The following TRAPPC9 variants were observed in gnomAD, a reference collection of about 807,000 sequenced individuals.
The protein encoded by TRAPPC9 is trafficking protein particle complex subunit 9.
TRAPPC9 carries 83 observed loss-of-function variants against 124.0 expected under a neutral mutation model. The observed-to-expected ratio is 0.67, with a 90% confidence interval of 0.56 to 0.80. The LOEUF (loss-of-function observed/expected upper bound fraction) is 0.80, where lower values mean the gene tolerates loss of function less well. TRAPPC9 is among the 30% of genes least tolerant of loss of function. The pLI is 0.00. For synonymous variants in TRAPPC9, 638 were observed against 617.5 expected, an observed-to-expected ratio of 1.03 and a Z score of -0.49; for missense variants, 1,302 against 1,508.3, an observed-to-expected ratio of 0.86 and a Z score of 2.27.
intron 21 of TRAPPC9, among the ~76,000 whole-genome samples, chr8:139,782,136 T>C (rs186074653): frequency 6.6e-6 from 1 of 152,288 alleles, no homozygotes; most frequent in Admixed American, 6.5e-5. Flanking sequence ...TCCCAGTACT[T>C]TGGGAGGCCG....
intron 21 of TRAPPC9, among the ~76,000 whole-genome samples, chr8:139,859,574 C>T (rs536302410): frequency 6.6e-6 from 1 of 152,248 alleles, no homozygotes; most frequent in Non-Finnish European, 1.5e-5. Context: ...CCAGTGGCTG[C>T]TCTGCTCCCC....
chr8:140,079,908 CG>C (rs1233091282), intron 17 of TRAPPC9, among the ~76,000 whole-genome samples: 3 of 151,598 alleles, frequency 2.0e-5, no homozygotes, highest in Non-Finnish European at 4.4e-5. Flanking sequence ...CCAGCCTGGG[CG>C]AGAGAGCACA....
intron 17 of TRAPPC9, among the ~76,000 whole-genome samples, chr8:140,180,768 C>T (rs780835871): frequency 6.6e-6 from 1 of 150,534 alleles, no homozygotes; most frequent in Non-Finnish European, 1.5e-5. Flanking sequence ...CAATTATCAT[C>T]AGTTTTGTTC....
chr8:139,906,146 C>G (rs1325152706), intron 20 of TRAPPC9, among the ~76,000 whole-genome samples: 1 of 152,152 alleles, frequency 6.6e-6, no homozygotes, highest in Non-Finnish European at 1.5e-5. Flanking sequence ...GGGTACCTAA[C>G]CCATTAGCTC....
intron 18 of TRAPPC9, among the ~76,000 whole-genome samples, chr8:139,993,588 T>C (rs1241718793): frequency 6.6e-6 from 1 of 152,198 alleles, no homozygotes; most frequent in Non-Finnish European, 1.5e-5. Flanking sequence ...TCAAAAGTGT[T>C]CAATGCAACA....
chr8:140,220,126 A>C (rs1251836552), intron 17 of TRAPPC9, among the ~76,000 whole-genome samples: 1 of 152,234 alleles, frequency 6.6e-6, no homozygotes, highest in Admixed American at 6.5e-5. Flanking sequence ...AAGGTAAGTC[A>C]AGGCAAGTTG....
At chr8:140,339,604 C>T (rs971340899) in intron 9 of TRAPPC9, among the ~76,000 whole-genome samples, 6 of 152,276 alleles carry the variant, frequency 3.9e-5, no homozygotes, top group Admixed American at 6.5e-5. Flanking sequence ...AACAAACAAA[C>T]GAGGCCGAAC....
intron 21 of TRAPPC9, among the ~76,000 whole-genome samples, chr8:139,871,778 G>A (rs151162038): frequency 1.3e-5 from 2 of 152,332 alleles, no homozygotes; most frequent in African/African-American, 2.4e-5. Context: ...TGAATATGTG[G>A]GTGAATGGAC....
At chr8:140,320,025 C>T (rs2066552040) in intron 9 of TRAPPC9, among the ~76,000 whole-genome samples, 1 of 152,048 alleles carries the variant, frequency 6.6e-6, no homozygotes, top group African/African-American at 2.4e-5. Context: ...GAAAGAAGTA[C>T]ATCTTTTTTT....
chr8:140,075,520 T>A (rs1306330552), intron 17 of TRAPPC9, among the ~76,000 whole-genome samples: 1 of 152,184 alleles, frequency 6.6e-6, no homozygotes, highest in African/African-American at 2.4e-5. Flanking sequence ...TCCTCCTCCA[T>A]TAGGAGGGTT....
intron 21 of TRAPPC9, among the ~76,000 whole-genome samples, chr8:139,756,169 G>T (rs878923662): frequency 8.7e-6 from 1 of 115,524 alleles, no homozygotes; most frequent in African/African-American, 4.0e-5. Context: ...TTGGGGATGA[G>T]GACAGCAGGT....
At chr8:140,297,388 CAT>C (rs1369295749) in intron 11 of TRAPPC9, among the ~76,000 whole-genome samples, 1 of 143,818 alleles carries the variant, frequency 7.0e-6, no homozygotes, top group Admixed American at 6.8e-5. Context: ...TATACACATG[CAT>C]ACACACATAC....
chr8:139,894,827 C>CAG (rs1208426642), intron 20 of TRAPPC9, among the ~76,000 whole-genome samples: 1 of 152,168 alleles, frequency 6.6e-6, no homozygotes, highest in East Asian at 1.9e-4. Context: ...AAGTCACGCT[C>CAG]AGAGCAGTGA....
At chr8:140,246,661 C>T (rs2063994322) in intron 16 of TRAPPC9, among the ~76,000 whole-genome samples, 1 of 152,174 alleles carries the variant, frequency 6.6e-6, no homozygotes, top group South Asian at 2.1e-4. Flanking sequence ...ACTATCTCTA[C>T]CAAAACAATT....
At chr8:140,027,775 A>G (rs1246888185) in intron 17 of TRAPPC9, among the ~76,000 whole-genome samples, 1 of 152,200 alleles carries the variant, frequency 6.6e-6, no homozygotes, top group Non-Finnish European at 1.5e-5. Context: ...GAATCATGGC[A>G]GAAGGGGAAG....
At chr8:140,013,865 A>T (rs1839289752) in intron 18 of TRAPPC9, among the ~76,000 whole-genome samples, 1 of 152,218 alleles carries the variant, frequency 6.6e-6, no homozygotes. Context: ...TGAAGGAAAA[A>T]TGATGCTGAG....
intron 17 of TRAPPC9, among the ~76,000 whole-genome samples, chr8:140,052,259 A>T (rs1281490463): frequency 6.6e-6 from 1 of 152,132 alleles, no homozygotes; most frequent in Non-Finnish European, 1.5e-5. Flanking sequence ...CAGAAACTGC[A>T]GTCCTTTCTC....
intron 20 of TRAPPC9, among the ~76,000 whole-genome samples, chr8:139,894,243 G>A (rs576508445): frequency 6.6e-5 from 10 of 152,314 alleles, no homozygotes; most frequent in African/African-American, 1.4e-4. Context: ...GTCGAGTCCC[G>A]GCACCAACAA....
chr8:140,285,750 A>C (rs1242888843), intron 13 of TRAPPC9, among the ~76,000 whole-genome samples: 5 of 150,610 alleles, frequency 3.3e-5, no homozygotes, highest in Non-Finnish European at 7.4e-5. Context: ...AATAGTTCCT[A>C]GTTAGCCTTC....
Sources: gnomAD v4.1 joint callset for allele counts (sites outside exome capture counted in the v4.1 genomes callset) on GRCh38, gnomAD v4.1.1 for gene constraint, MANE v1.5 for transcripts, NCBI Gene and HGNC (gene_info 2026-07-23, HGNC 2026-07-21) for gene names.